Variants in CAMTA1 observed in about 807,000 individuals in gnomAD.
The protein encoded by CAMTA1 is calmodulin-binding transcription activator 1.
Under a neutral mutation model 170.9 loss-of-function variants are expected in CAMTA1, and 27 were observed. The ratio of observed to expected loss-of-function variants is 0.16; its 90% CI spans 0.12 to 0.22. The LOEUF is 0.22. Ranked by LOEUF, CAMTA1 falls within the 10% of genes least tolerant of loss-of-function variation. The pLI is 1.00. For synonymous variants in CAMTA1, 833 were observed against 891.5 expected (o/e 0.93, Z 1.17); for missense variants, 1,619 against 2,217.2 (o/e 0.73, Z 5.42).
chr1:7,049,608 C>G (rs370565512), intron 3 of CAMTA1, among the ~76,000 whole-genome samples: 8 of 152,060 alleles, frequency 5.3e-5, no homozygotes, highest in African/African-American at 1.9e-4. Context: ...AGGGGCCCAC[C>G]ACCACACCCA....
In CAMTA1 at chr1:7,579,552, C is replaced by CTTTTTTTT. The variant is rs3034816; in HGVS notation, c.511-60830_511-60823dup. On this transcript the variant is annotated intron_variant, in intron 6 of 22. Transcript: ENST00000303635. Reference sequence around the variant, plus strand: ...GGTCCACTTTCTTTTCTTTTCTTTTCTTTTTTTTTTTTTTTTTTTTTTTTT... The same window carrying CTTTTTTTT: ...GGTCCACTTTCTTTTCTTTTCTTTTCTTTTTTTTTTTTTTTTTTTTTTTTTTTTTTTTT... 2.8e-3 allele frequency among the ~76,000 whole-genome samples: 220 copies of CTTTTTTTT among 79,186 alleles called. 6 individuals are homozygous for CTTTTTTTT. The highest frequency in any genetic ancestry group is 3.2e-3 in the Non-Finnish European group (142 of 44,144). The allele number at this position is 79,186 out of a possible 152,430, so 51.9% of individuals were successfully genotyped here.
chr1:7,688,488 C>T (rs1226700890), intron 11 of CAMTA1, among the ~76,000 whole-genome samples: 1 of 152,110 alleles, frequency 6.6e-6, no homozygotes, highest in East Asian at 1.9e-4. Flanking sequence ...TCCCAGAATC[C>T]ATCTCCCTGG....
chr1:7,116,614 G>A (rs1157490650), intron 4 of CAMTA1, among the ~76,000 whole-genome samples: 3 of 151,342 alleles, frequency 2.0e-5, no homozygotes, highest in Admixed American at 6.6e-5. Flanking sequence ...CTCACTTTGA[G>A]TCTTGCTAAG....
chr1:6,794,331 C>T (rs762215464), intron 1 of CAMTA1, among the ~76,000 whole-genome samples: 4 of 152,020 alleles, frequency 2.6e-5, no homozygotes, highest in Non-Finnish European at 4.4e-5. Flanking sequence ...TTTTTTATTG[C>T]GAATCCACAA....
chr1:7,487,826 C>A (rs2093637873), intron 6 of CAMTA1, among the ~76,000 whole-genome samples: 1 of 152,186 alleles, frequency 6.6e-6, no homozygotes, highest in African/African-American at 2.4e-5. Flanking sequence ...CTGATCTCCT[C>A]CATCCCCTTC....
chr1:7,445,678 C>G (rs890619410), intron 5 of CAMTA1, among the ~76,000 whole-genome samples: 4 of 152,214 alleles, frequency 2.6e-5, no homozygotes, highest in African/African-American at 9.7e-5. Flanking sequence ...CATGGCTGGA[C>G]GTTCACTCAC....
chr1:7,141,227 G>T (rs1035094585), intron 4 of CAMTA1, among the ~76,000 whole-genome samples: 1 of 152,076 alleles, frequency 6.6e-6, no homozygotes, highest in Non-Finnish European at 1.5e-5. Flanking sequence ...GTGAAAAGGT[G>T]ATACCCCCTG....
intron 6 of CAMTA1, among the ~76,000 whole-genome samples, chr1:7,487,659 C>T (rs971263786): frequency 8.6e-4 from 131 of 152,282 alleles, no homozygotes; most frequent in African/African-American, 2.9e-3. Flanking sequence ...CTCTCTGGTC[C>T]CGCACAGGGC....
chr1:6,922,218 C>T lies in CAMTA1; in HGVS notation c.234+97008C>T, dbSNP rs138198347. 5.1e-3 allele frequency among the ~76,000 whole-genome samples: 783 copies of T among 152,216 alleles called. 4 individuals carry two copies. Among genetic ancestry groups the T allele is most frequent in the Middle Eastern group, 0.051 (15 of 294 alleles). On this transcript the variant is annotated intron_variant, in intron 3 of 22. Coordinates refer to ENST00000303635, the MANE Select transcript of CAMTA1 (RefSeq NM_015215.4). ...ACAATTCTGTTCTGGGTCCCCAGGC[C>T]TCTAGTTTCAGATGAGCAAAAGCAG... is the stretch of plus-strand genomic sequence containing the variant.
At chr1:7,432,124 G>A (rs1170923815) in intron 5 of CAMTA1, among the ~76,000 whole-genome samples, 2 of 152,330 alleles carry the variant, frequency 1.3e-5, no homozygotes, top group Admixed American at 6.5e-5. Context: ...GCTGACCAGC[G>A]CAGAGCCCAG....
chr1:7,035,736 T>C (rs4908588), intron 3 of CAMTA1, among the ~76,000 whole-genome samples: 107,151 of 152,198 alleles, frequency 0.7, 38,711 homozygotes, highest in African/African-American at 0.87. Context: ...GAACTGCTAC[T>C]CTACAGACAG....
intron 5 of CAMTA1, among the ~76,000 whole-genome samples, chr1:7,420,290 A>G (rs1307078171): frequency 6.8e-6 from 1 of 147,816 alleles, no homozygotes; most frequent in Non-Finnish European, 1.5e-5. Flanking sequence ...ACCCCAGCGG[A>G]GAGACCTTTC....
intron 5 of CAMTA1, among the ~76,000 whole-genome samples, chr1:7,439,964 C>T (rs1029133898): frequency 3.9e-5 from 6 of 152,270 alleles, no homozygotes; most frequent in Non-Finnish European, 8.8e-5. Context: ...CGCTAGAATT[C>T]CGTGAGGCTT....
chr1:7,346,502 T>C (rs1182781270), intron 5 of CAMTA1, among the ~76,000 whole-genome samples: 1 of 152,198 alleles, frequency 6.6e-6, no homozygotes, highest in Non-Finnish European at 1.5e-5. Context: ...GGGTGAAATT[T>C]TAAAGATCAT....
In CAMTA1 at chr1:7,737,014, G is replaced by A. The variant is rs762549303; in HGVS notation, c.3342+5G>A. ...CACTTCTCCTGTACTCCTCTGGTAA[G>A]GAATGGATTCCTGTAGCCCCCCCTT... On this transcript the variant is annotated splice_donor_5th_base_variant and intron_variant, in intron 14 of 22. Coordinates refer to ENST00000303635, the MANE Select transcript of CAMTA1 (RefSeq NM_015215.4). 3.7e-6 allele frequency: 6 copies of A among 1,604,584 alleles called. No individual in the cohort carries two copies. The Admixed American group carries it at 1.0e-4, about 27-fold the overall frequency.
At chr1:6,792,565 C>T (rs1641423469) in intron 1 of CAMTA1, among the ~76,000 whole-genome samples, 2 of 151,950 alleles carry the variant, frequency 1.3e-5, no homozygotes, top group South Asian at 4.2e-4. Flanking sequence ...ACATTATTTC[C>T]CCTTTTGCTC....
intron 5 of CAMTA1, among the ~76,000 whole-genome samples, chr1:7,379,170 T>A (rs1173689698): frequency 2.0e-5 from 3 of 152,256 alleles, no homozygotes; most frequent in African/African-American, 7.2e-5. Context: ...GTTTTTATAA[T>A]GTCAATATAC....
rs151062843 is a variant in CAMTA1, at chr1:7,008,204, G to A, written c.235-83100G>A. Among the ~76,000 whole-genome samples, 478 of 152,300 alleles carry A rather than the reference G, an allele frequency of 3.1e-3. 3 individuals carry two copies. Among genetic ancestry groups the A allele is most frequent in the African/African-American group, 0.011 (460 of 41,578 alleles). ...GAGGAGGTTCTTAGAGAACCATACA[G>A]GGCATATCAGGTAAGCACGGGTACA... On this transcript the variant is annotated intron_variant, in intron 3 of 22. Transcript: ENST00000303635.
chr1:6,969,677 A>G lies in CAMTA1; in HGVS notation c.235-121627A>G, dbSNP rs186358790. ...AGGCTCTGTGTCTTCCCATATTTAC[A>G]AAATAAAGGTTGGATGGGTGTTTAT... On this transcript the variant is annotated intron_variant, in intron 3 of 22. Transcript: ENST00000303635. 2.0e-3 allele frequency among the ~76,000 whole-genome samples: 305 copies of G among 152,332 alleles called. 2 individuals are homozygous for G. The highest frequency in any genetic ancestry group is 0.017 in the Middle Eastern group (5 of 294).
Sources: allele counts gnomAD v4.1 joint callset (sites outside exome capture counted in the v4.1 genomes callset), GRCh38; gene constraint gnomAD v4.1.1; transcripts MANE v1.5; gene names NCBI Gene and HGNC (gene_info 2026-07-23, HGNC 2026-07-21).